Variants in ADGRD2 observed in about 807,000 individuals in gnomAD.
The protein encoded by ADGRD2 is G protein-coupled receptor PGR24.
ADGRD2 carries 71 observed loss-of-function variants against 44.4 expected under a neutral mutation model. That is an observed-to-expected ratio of 1.60 (90% CI 1.32 to 1.95). The LOEUF is 1.95. Among genes scored for constraint, ADGRD2 ranks in the 30% most tolerant of loss-of-function variants. The pLI, the probability that ADGRD2 is intolerant of heterozygous loss-of-function variation, is 0.00. For missense variants in ADGRD2, 1,039 were observed against 512.4 expected (o/e 2.03, Z -9.92); for synonymous variants, 481 against 224.8 (o/e 2.14, Z -10.19).
chr9:124,456,799 G>A (rs2131233483), intron 7 of ADGRD2, 66 bp downstream of exon 10: 2 of 699,292 alleles, frequency 2.9e-6, no homozygotes, highest in East Asian at 2.7e-5. Context: ...TGGTGACTGG[G>A]AGCTGTCTGA....
rs1169613110 is a variant in ADGRD2 at position 124,453,339 on chromosome 9, G to C, written c.588G>C (p.Thr196=). 19 of 511,774 alleles carry C rather than the reference G, an allele frequency of 3.7e-5. No homozygotes were observed. The East Asian group carries it at 6.0e-4, about 16-fold the overall frequency. 31.7% of individuals were successfully genotyped at this position (511,774 alleles called of 1,614,324 possible). A position where few individuals can be genotyped will look rare whatever the true frequency, so the allele number is the denominator to read the frequency against. The stretch of plus-strand genomic sequence containing the variant: ...GCCGCTGGCACCATGTGTGCGCCAC[G>C]TGGGAGCAGCGGGGCGGGCGCTGGG... The change falls in exon 3 of 22, where the codon ACG becomes ACC. Residue 196 remains threonine (T), a synonymous_variant. Coordinates refer to ENST00000334810, the Ensembl canonical transcript of ADGRD2.
intron 19 of ADGRD2, 109 bp downstream of exon 22, chr9:124,475,724 C>A (rs1832038475): frequency 1.8e-6 from 1 of 557,422 alleles, no homozygotes; most frequent in Non-Finnish European, 3.2e-6. Context: ...AGCTGGGGGA[C>A]CAGCCTGAGG....
At chr9:124,458,329 G>T in intron 9 of ADGRD2, 93 bp downstream of exon 12, 1 of 665,160 alleles carries the variant, frequency 1.5e-6, no homozygotes. Flanking sequence ...TGTGTCCTTA[G>T]CAGCCCAGGG....
exon 3 of ADGRD2, chr9:124,453,254 G>A (rs2131223899): frequency 1.8e-6 from 1 of 544,926 alleles, no homozygotes; most frequent in South Asian, 2.3e-5. Context: ...GGCGTCGTGC[G>A]CGCTGCGCTG....
intron 17 of ADGRD2, among the ~76,000 whole-genome samples, chr9:124,472,194 C>T (rs922264698): frequency 2.0e-5 from 3 of 151,814 alleles, no homozygotes; most frequent in African/African-American, 4.9e-5. Flanking sequence ...ATGCCACCGT[C>T]GCACCGTCTC....
chr9:124,458,420 G>A (rs1831658854), intron 9 of ADGRD2, among the ~76,000 whole-genome samples, 184 bp downstream of exon 12: 3 of 152,220 alleles, frequency 2.0e-5, no homozygotes, highest in South Asian at 4.1e-4. Context: ...CCTGTCTGGG[G>A]TTCTGGCTTC....
intron 7 of ADGRD2, 144 bp downstream of exon 10, chr9:124,456,877 C>G (rs1490684340): frequency 1.4e-5 from 9 of 645,502 alleles, no homozygotes; most frequent in South Asian, 1.7e-5. Context: ...AGAATGCCCT[C>G]TCTCCCTCGA....
chr9:124,468,566 G>A (rs1389991394), exon 14 of ADGRD2: 3 of 718,654 alleles, frequency 4.2e-6, no homozygotes, highest in African/African-American at 1.7e-5. Context: ...TCTTTCTGGT[G>A]GCATTCTCCT....
intron 10 of ADGRD2, among the ~76,000 whole-genome samples, chr9:124,464,837 T>C (rs944540925): frequency 1.3e-5 from 2 of 151,988 alleles, no homozygotes; most frequent in Admixed American, 6.6e-5. Context: ...TTTTCACAAG[T>C]ATGCAGACCT....
chr9:124,459,213 C>T (rs1450759732), intron 10 of ADGRD2, among the ~76,000 whole-genome samples: 1 of 152,308 alleles, frequency 6.6e-6, no homozygotes, highest in Admixed American at 6.5e-5. Context: ...TTTGTAGGTC[C>T]GGGCACGGTG....
rs543784446 is a variant in ADGRD2 at position 124,471,576 on chromosome 9, T to C, written c.2758+962T>C. Reference sequence around the variant, plus strand: ...TGTAAGTGGGGAAACTGAGACCTCATGAGGTCACTTGCCCAAGGCCCCCCA... The same window carrying C: ...TGTAAGTGGGGAAACTGAGACCTCACGAGGTCACTTGCCCAAGGCCCCCCA... On this transcript the variant is annotated intron_variant, in intron 17 of 21. Coordinates refer to ENST00000334810, the Ensembl canonical transcript of ADGRD2. Among the ~76,000 whole-genome samples the C allele has an allele frequency of 6.6e-5, 10 of 152,314 alleles. No individual in the cohort carries two copies. In the South Asian group the frequency reaches 1.9e-3, roughly 28 times the overall value.
At position 124,455,066 on chromosome 9, in the gene ADGRD2, TA is replaced by T. The variant is rs1474850898; in HGVS notation, c.1333del (p.Ser446LeufsTer21). On this transcript the variant is annotated frameshift_variant, in exon 6 of 22. Coordinates refer to ENST00000334810, the Ensembl canonical transcript of ADGRD2. LOFTEE classifies it high-confidence loss of function. ...TGGGAGCAGCTGAGCCAAGGCGTTG[TA>T]TCTGTGGCCAGCCTGGTCCTGGAGG... 1.3e-5 allele frequency: 9 copies of T among 717,534 alleles called. No individual in the cohort carries two copies. Among genetic ancestry groups the T allele is most frequent in the Non-Finnish European group, 2.1e-5 (8 of 384,640 alleles). 44.4% of individuals were successfully genotyped at this position (717,534 alleles called of 1,614,324 possible).
At chr9:124,463,121 G>A (rs1459249612) in intron 10 of ADGRD2, among the ~76,000 whole-genome samples, 1 of 152,128 alleles carries the variant, frequency 6.6e-6, no homozygotes, top group Non-Finnish European at 1.5e-5. Context: ...CACTAAATGC[G>A]ATGTTTGGGC....
intron 21 of ADGRD2, among the ~76,000 whole-genome samples, chr9:124,477,456 C>T (rs989180786): frequency 1.3e-5 from 2 of 152,238 alleles, no homozygotes; most frequent in South Asian, 2.1e-4. Context: ...AGCCCAGGCA[C>T]CCAGTGATTC....
At chr9:124,467,939 G>A (rs1231334927) in intron 12 of ADGRD2, 115 bp downstream of exon 15, 2 of 700,358 alleles carry the variant, frequency 2.9e-6, no homozygotes, top group African/African-American at 3.5e-5. Flanking sequence ...CTTGGTCTGA[G>A]CCTCTCCTTA....
intron 9 of ADGRD2, 52 bp downstream of exon 12, chr9:124,458,288 G>A: frequency 1.4e-6 from 1 of 712,762 alleles, no homozygotes; most frequent in East Asian, 2.7e-5. Flanking sequence ...CCTCCCCAAG[G>A]AAGGCCAAAG....
intron 10 of ADGRD2, chr9:124,465,777 C>T (rs1831809646): frequency 6.6e-6 from 1 of 152,410 alleles, no homozygotes; most frequent in Non-Finnish European, 1.5e-5. Context: ...AGCTCTAAGA[C>T]AAGCTGCAGC....
upstream of ADGRD2, among the ~76,000 whole-genome samples, chr9:124,450,584 G>A (rs1408895344): frequency 1.3e-5 from 2 of 152,250 alleles, no homozygotes; most frequent in Non-Finnish European, 2.9e-5. Context: ...GCCCATTGGC[G>A]CCTCGCGGAG....
chr9:124,470,396 C>T (rs569785637), intron 16 of ADGRD2, 98 bp from the exon 20 acceptor site: 808 of 627,372 alleles, frequency 1.3e-3, no homozygotes, highest in Non-Finnish European at 1.9e-3. Context: ...TCAGCTCCCA[C>T]CCCGCTCCAG....
Sources: gnomAD v4.1 joint callset for allele counts (sites outside exome capture counted in the v4.1 genomes callset) on GRCh38, gnomAD v4.1.1 for gene constraint, MANE v1.5 for transcripts, NCBI Gene and HGNC (gene_info 2026-07-23, HGNC 2026-07-21) for gene names.